ATG2B: variants seen among roughly 807,000 people sequenced by gnomAD.
ATG2B encodes autophagy-related protein 2 homolog B.
Under a neutral mutation model 241.3 loss-of-function variants are expected in ATG2B, and 121 were observed. The observed-to-expected ratio is 0.50, with a 90% CI of 0.43 to 0.58. The LOEUF (loss-of-function observed/expected upper bound fraction) is 0.58. ATG2B is among the 20% of genes least tolerant of loss of function. The probability of loss-of-function intolerance (pLI) is 0.00; values close to 1 mark genes in which losing one functional copy is unlikely to be tolerated. For synonymous variants in ATG2B, 858 were observed against 876.6 expected, an observed-to-expected ratio of 0.98 and a Z score of 0.37; for missense variants, 2,306 against 2,491.6, an observed-to-expected ratio of 0.93 and a Z score of 1.59.
In ATG2B at chr14:96,347,307, G is replaced by T; in HGVS notation, c.197C>A (p.Pro66His). 6.2e-7 allele frequency: 1 copy of T among 1,602,184 alleles called. No homozygotes were observed. The highest frequency in any genetic ancestry group is 8.5e-7 in the Non-Finnish European group (1 of 1,170,964). ...LNEILESADAPLEVTEGFIQS... is the reference protein window; with the variant it reads ...LNEILESADAHLEVTEGFIQS... Reference sequence around the variant, plus strand: ...AATGAATCCTTCAGTGACTTCTAAGGGTGCATCTGCTGACTCCAAGATCTC... The same window carrying T: ...AATGAATCCTTCAGTGACTTCTAAGTGTGCATCTGCTGACTCCAAGATCTC... The change falls in exon 2 of 42, where the codon CCC becomes CAC. Residue 66 changes from proline to histidine, a missense_variant. Transcript: ENST00000359933.
intron 1 of ATG2B, among the ~76,000 whole-genome samples, chr14:96,351,588 T>C (rs1888322127): frequency 6.6e-6 from 1 of 151,926 alleles, no homozygotes. Context: ...GTACAAGAAT[T>C]AGCCAGGCAT....
intron 1 of ATG2B, among the ~76,000 whole-genome samples, chr14:96,354,448 C>T (rs188431543): frequency 1.6e-4 from 24 of 152,336 alleles, no homozygotes; most frequent in African/African-American, 5.8e-4. Flanking sequence ...CTGCAAAGGA[C>T]ATGATCTCAT....
chr14:96,328,968 T>C (rs1219991446), intron 12 of ATG2B, among the ~76,000 whole-genome samples: 1 of 152,148 alleles, frequency 6.6e-6, no homozygotes, highest in East Asian at 1.9e-4. Flanking sequence ...AGGATTCAAA[T>C]AAATTCATTT....
chr14:96,325,167 T>C (rs1269160285), intron 15 of ATG2B, among the ~76,000 whole-genome samples: 2 of 152,232 alleles, frequency 1.3e-5, no homozygotes, highest in Non-Finnish European at 2.9e-5. Context: ...ATTCTGCCAT[T>C]GACTACAACA....
At chr14:96,352,920 A>T (rs190163014) in intron 1 of ATG2B, among the ~76,000 whole-genome samples, 4 of 152,324 alleles carry the variant, frequency 2.6e-5, no homozygotes, top group Admixed American at 2.6e-4. Flanking sequence ...ACATTCACTC[A>T]CTGACTCACT....
intron 41 of ATG2B, among the ~76,000 whole-genome samples, chr14:96,287,282 GA>G (rs1886364513): frequency 7.6e-6 from 1 of 132,228 alleles, no homozygotes; most frequent in East Asian, 2.2e-4. Context: ...AACGTGTCCA[GA>G]AAAACTCAAA....
chr14:96,322,348 G>T, intron 17 of ATG2B, 94 bp from the exon 18 acceptor site: 1 of 1,423,060 alleles, frequency 7.0e-7, no homozygotes, highest in Non-Finnish European at 9.5e-7. Context: ...TGGTATGTGA[G>T]AAATAAATAA....
At chr14:96,342,448 G>A (rs113675900) in intron 5 of ATG2B, among the ~76,000 whole-genome samples, 1,626 of 152,232 alleles carry the variant, frequency 0.011, 29 homozygotes, top group African/African-American at 0.037. Context: ...TGGGCCAGAC[G>A]TGGTGGCTCA....
At chr14:96,351,629 G>A (rs150028213) in intron 1 of ATG2B, among the ~76,000 whole-genome samples, 1,704 of 152,016 alleles carry the variant, frequency 0.011, 32 homozygotes, top group African/African-American at 0.039. Flanking sequence ...CCAGCTACTC[G>A]GGAGGCTGAG....
At position 96,341,713 on chromosome 14, in the gene ATG2B, T is replaced by A; in HGVS notation, c.745-12A>T. 1 of 1,506,730 alleles carries A rather than the reference T, an allele frequency of 6.6e-7. No homozygotes were observed. Among genetic ancestry groups the A allele is most frequent in the Non-Finnish European group, 8.9e-7 (1 of 1,124,436 alleles). The allele number at this position is 1,506,730 out of a possible 1,614,324, so 93.3% of individuals were successfully genotyped here. On this transcript the variant is annotated splice_polypyrimidine_tract_variant and intron_variant, in intron 5 of 41. Coordinates refer to ENST00000359933, the MANE Select transcript of ATG2B (RefSeq NM_018036.7). ...TTTGGCTCAGTTTCCTACAATAAAG[T>A]GACAAAAATAATTATTTAAAATACT...
At chr14:96,345,458 T>C in intron 2 of ATG2B, 73 bp from the exon 3 acceptor site, 3 of 1,099,310 alleles carry the variant, frequency 2.7e-6, no homozygotes, top group East Asian at 5.8e-5. Flanking sequence ...AAATAATACA[T>C]TTCAAATAGA....
chr14:96,314,111 T>G (rs1012523642), intron 23 of ATG2B, among the ~76,000 whole-genome samples: 2 of 152,206 alleles, frequency 1.3e-5, no homozygotes, highest in African/African-American at 4.8e-5. Flanking sequence ...TTCCAGCTGG[T>G]TATTCACCCT....
intron 1 of ATG2B, among the ~76,000 whole-genome samples, chr14:96,352,272 T>C (rs1307567451): frequency 6.6e-6 from 1 of 152,184 alleles, no homozygotes; most frequent in Non-Finnish European, 1.5e-5. Context: ...CAAACAGTTA[T>C]ACACAGTACA....
At chr14:96,295,883 A>G (rs1464646081) in intron 34 of ATG2B, among the ~76,000 whole-genome samples, 1 of 152,238 alleles carries the variant, frequency 6.6e-6, no homozygotes, top group African/African-American at 2.4e-5. Flanking sequence ...GAGTTTTCTT[A>G]GAAATGGAGC....
chr14:96,334,388 A>T lies in ATG2B; in HGVS notation c.1021+17T>A. The T allele has an allele frequency of 6.5e-7, 1 of 1,541,166 alleles. No individual in the cohort carries two copies. ...TAAAAAAGTAACAAGTATATATAAT[A>T]ACAGAATTATACTTGCCTGGTCCAG... On this transcript the variant is annotated intron_variant, in intron 7 of 41. Transcript: ENST00000359933.
chr14:96,302,185 A>G (rs1415143566), intron 33 of ATG2B, 77 bp from the exon 34 acceptor site: 1 of 932,188 alleles, frequency 1.1e-6, no homozygotes, highest in African/African-American at 1.7e-5. Flanking sequence ...AAGAAAAAAA[A>G]AGAAAAATTC....
rs758542948 is a variant in ATG2B, at chr14:96,295,113, G to A, written c.5273C>T (p.Thr1758Ile). 4.3e-6 allele frequency: 7 copies of A among 1,614,152 alleles called. No homozygotes were observed. The highest frequency in any genetic ancestry group is 5.1e-6 in the Non-Finnish European group (6 of 1,180,028). Reference protein sequence around the residue: ...VTCSLPRHLSTSKEPNLVISF... With the variant: ...VTCSLPRHLSISKEPNLVISF... ...AATAACCAGATTTGGCTCCTTTGAG[G>A]TACTCAAATGCCTTGGCAAACTGCA... is the stretch of plus-strand genomic sequence containing the variant. Residue 1758 changes from threonine (T) to isoleucine (I), a missense_variant, in exon 36 of 42, where the codon ACC becomes ATC. Thr to Ile is a moderately conservative substitution (Grantham distance 89). Transcript: ENST00000359933.
At chr14:96,305,992 A>G (rs1387087265) in intron 30 of ATG2B, among the ~76,000 whole-genome samples, 177 bp from the exon 31 acceptor site, 1 of 152,216 alleles carries the variant, frequency 6.6e-6, no homozygotes, top group Non-Finnish European at 1.5e-5. Context: ...TATTAACCAT[A>G]AAATAAACTC....
At chr14:96,321,845 G>A (rs75096370) in intron 18 of ATG2B, among the ~76,000 whole-genome samples, 67 of 152,116 alleles carry the variant, frequency 4.4e-4, no homozygotes, top group African/African-American at 1.5e-3. Context: ...GTATTTGATC[G>A]GTAACCTGCA....
Sources: allele counts gnomAD v4.1 joint callset (sites outside exome capture counted in the v4.1 genomes callset), GRCh38; gene constraint gnomAD v4.1.1; transcripts MANE v1.5; gene names NCBI Gene and HGNC (gene_info 2026-07-23, HGNC 2026-07-21).